Variants in CMPK1 observed in about 807,000 individuals in gnomAD.
CMPK1 encodes the protein UMP-CMP kinase.
CMPK1 carries 10 observed loss-of-function variants against 25.7 expected under a neutral mutation model. The observed-to-expected ratio is 0.39, with a 90% CI of 0.24 to 0.66. CMPK1 has a LOEUF of 0.66. Ranked by LOEUF, CMPK1 falls within the 30% of genes least tolerant of loss-of-function variation. CMPK1 has a pLI of 0.48. For synonymous variants in CMPK1, 106 were observed against 101.5 expected (o/e 1.04, Z -0.27); for missense variants, 199 against 280.5 (o/e 0.71, Z 2.08).
In CMPK1 at chr1:47,357,644, G is replaced by A. The variant is rs985861635; in HGVS notation, c.172-10825G>A. Among the ~76,000 whole-genome samples, 18 of 151,846 alleles carry A rather than the reference G, an allele frequency of 1.2e-4. 1 individual carries two copies. Among genetic ancestry groups the A allele is most frequent in the African/African-American group, 3.4e-4 (14 of 41,340 alleles). ...GGATTACAGGCACCCGCCGTCATGCGTGGCTGATTTTTGTGTTTTTAGTAG... is the reference window on the plus strand; with the variant it reads ...GGATTACAGGCACCCGCCGTCATGCATGGCTGATTTTTGTGTTTTTAGTAG... On this transcript the variant is annotated intron_variant, in intron 1 of 5. Coordinates refer to ENST00000371873, the MANE Select transcript of CMPK1 (RefSeq NM_016308.3).
At chr1:47,370,166 T>C (rs1166820729) in intron 2 of CMPK1, among the ~76,000 whole-genome samples, 6 of 142,020 alleles carry the variant, frequency 4.2e-5, no homozygotes, top group African/African-American at 1.3e-4. Flanking sequence ...ATCCACCCGC[T>C]TGGGCCTCCC....
At chr1:47,357,480 T>C (rs1646569606) in intron 1 of CMPK1, among the ~76,000 whole-genome samples, 1 of 37,878 alleles carries the variant, frequency 2.6e-5, no homozygotes, top group African/African-American at 6.7e-5. Context: ...CATTAATGGA[T>C]TCTTTTTTTT....
At chr1:47,361,762 C>T (rs1196529260) in intron 1 of CMPK1, among the ~76,000 whole-genome samples, 2 of 146,316 alleles carry the variant, frequency 1.4e-5, no homozygotes, top group Non-Finnish European at 3.0e-5. Context: ...TTTGGTCTTT[C>T]AGATCACAAG....
rs183292924 is a variant in CMPK1, at chr1:47,337,717, G to A, written c.171+3601G>A. On this transcript the variant is annotated intron_variant, in intron 1 of 5. Transcript: ENST00000371873. ...CAGCCTCCATCTTCTGGATTCAAGC[G>A]ATTCTCTGCCTCAGCCTCCCGAGTA... 9.2e-5 allele frequency among the ~76,000 whole-genome samples: 14 copies of A among 151,736 alleles called. 1 individual carries two copies. The East Asian group carries it at 2.3e-3, about 25-fold the overall frequency.
chr1:47,358,433 C>G, intron 1 of CMPK1: 14 of 1,200,320 alleles, frequency 1.2e-5, no homozygotes, highest in Non-Finnish European at 1.5e-5. Flanking sequence ...GAAGTTTGTT[C>G]TTCAAGAGAT....
chr1:47,336,138 G>GAAATAAAT (rs61064131), intron 1 of CMPK1, among the ~76,000 whole-genome samples: 22,484 of 150,426 alleles, frequency 0.15, 2,522 homozygotes, highest in African/African-American at 0.31. Context: ...CTCCGTCTCA[G>GAAATAAAT]AAATAAATAA....
chr1:47,371,975 C>T (rs925738652), intron 2 of CMPK1, among the ~76,000 whole-genome samples: 1 of 152,196 alleles, frequency 6.6e-6, no homozygotes, highest in African/African-American at 2.4e-5. Context: ...TATTCTCCTG[C>T]CTCTTCCTCA....
At chr1:47,347,274 A>G (rs190445813) in intron 1 of CMPK1, among the ~76,000 whole-genome samples, 141 of 151,744 alleles carry the variant, frequency 9.3e-4, no homozygotes, top group Admixed American at 2.6e-3. Context: ...CAGTGGCACA[A>G]TCATAGCTCA....
At chr1:47,354,591 G>T (rs2149329309) in intron 1 of CMPK1, among the ~76,000 whole-genome samples, 1 of 137,804 alleles carries the variant, frequency 7.3e-6, no homozygotes, top group African/African-American at 2.7e-5. Context: ...TTATTGTTTT[G>T]TGACTTGCTT....
Position 47,334,005 on chromosome 1 carries a change from G to C in CMPK1, c.60G>C (p.Gln20His). 2.6e-6 allele frequency: 4 copies of C among 1,544,414 alleles called. No homozygotes were observed. Among genetic ancestry groups the C allele is most frequent in the Non-Finnish European group, 3.5e-6 (4 of 1,145,332 alleles). Residue 20 changes from glutamine (Q) to histidine (H), a missense_variant, in exon 1 of 6, where the codon CAG becomes CAC. Coordinates refer to ENST00000371873, the MANE Select transcript of CMPK1 (RefSeq NM_016308.3). ...TCCTGGGCCTTAGCTTCCTGCTGCA[G>C]ACCCGCCGGCCGATTCTCCTCTGCT... ...LHVLGLSFLL[Q>H]TRRPILLCSP...
At chr1:47,334,251 C>T (rs933554965) in intron 1 of CMPK1, 135 bp downstream of exon 1, 4 of 873,846 alleles carry the variant, frequency 4.6e-6, no homozygotes, top group Non-Finnish European at 5.9e-6. Flanking sequence ...GCGCCGCCCG[C>T]GTGGCAGTGG....
At chr1:47,364,084 T>C (rs1167310381) in intron 1 of CMPK1, among the ~76,000 whole-genome samples, 1 of 152,028 alleles carries the variant, frequency 6.6e-6, no homozygotes, top group African/African-American at 2.4e-5. Context: ...TGCAGCATTT[T>C]GGGGTGTTTG....
chr1:47,370,234 C>T (rs1457067035), intron 2 of CMPK1, among the ~76,000 whole-genome samples: 1 of 150,916 alleles, frequency 6.6e-6, no homozygotes, highest in Non-Finnish European at 1.5e-5. Context: ...TGTTTTTTAA[C>T]CCACGTCCCT....
chr1:47,358,660 GT>G, intron 1 of CMPK1: 1 of 986,650 alleles, frequency 1.0e-6, no homozygotes, highest in African/African-American at 1.7e-5. Flanking sequence ...CTAGTTCAGT[GT>G]TCTGAGTGTG....
intron 2 of CMPK1, 141 bp from the exon 3 acceptor site, chr1:47,372,808 CTTTTCT>C (rs1646685524): frequency 2.5e-5 from 10 of 398,774 alleles, no homozygotes; most frequent in Middle Eastern, 6.4e-4. Context: ...TTCTTTTTTT[CTTTTCT>C]TTTTTTTTTT....
At chr1:47,364,493 T>C (rs868613477) in intron 1 of CMPK1, among the ~76,000 whole-genome samples, 61 of 151,904 alleles carry the variant, frequency 4.0e-4, no homozygotes, top group Admixed American at 1.6e-3. Flanking sequence ...ATTTTTTGTA[T>C]TTTTAGTAGA....
chr1:47,358,879 G>A (rs1055479054), intron 1 of CMPK1: 14 of 984,966 alleles, frequency 1.4e-5, no homozygotes, highest in Non-Finnish European at 1.6e-5. Context: ...GAGCACCTGA[G>A]ATACTAAAAT....
At chr1:47,335,919 C>T (rs1352826900) in intron 1 of CMPK1, among the ~76,000 whole-genome samples, 1 of 151,932 alleles carries the variant, frequency 6.6e-6, no homozygotes, top group Non-Finnish European at 1.5e-5. Flanking sequence ...TGCGCCACCA[C>T]GCCTGGCTAA....
chr1:47,372,833 A>T (rs1185776601), intron 2 of CMPK1, 122 bp from the exon 3 acceptor site: 12 of 536,242 alleles, frequency 2.2e-5, no homozygotes, highest in Admixed American at 8.6e-5. Flanking sequence ...TTTGCTATGT[A>T]CCCTCCACCC....
Sources: gnomAD v4.1 joint callset for allele counts (sites outside exome capture counted in the v4.1 genomes callset) on GRCh38, gnomAD v4.1.1 for gene constraint, MANE v1.5 for transcripts, NCBI Gene and HGNC (gene_info 2026-07-23, HGNC 2026-07-21) for gene names.